The following BCL2 variants were observed in gnomAD, a reference collection of about 807,000 sequenced individuals.
BCL2 encodes BCL2 apoptosis regulator.
BCL2 carries 1 observed loss-of-function variant against 14.2 expected under a neutral mutation model. That is an observed-to-expected ratio of 0.07 (90% CI 0.02 to 0.33). The LOEUF (loss-of-function observed/expected upper bound fraction) is 0.33. Ranked by LOEUF, BCL2 falls within the 10% of genes least tolerant of loss-of-function variation. The pLI is 0.99. For missense variants in BCL2, 247 were observed against 305.9 expected (o/e 0.81, Z 1.44); for synonymous variants, 151 against 137.2 (o/e 1.10, Z -0.70).
chr18:63,296,547 T>G (rs1912800008), intron 2 of BCL2, among the ~76,000 whole-genome samples: 1 of 152,178 alleles, frequency 6.6e-6, no homozygotes, highest in African/African-American at 2.4e-5. Context: ...CAAGTGATCC[T>G]CCAGCCTCGG....
At chr18:63,172,625 T>C (rs898472170) in intron 2 of BCL2, among the ~76,000 whole-genome samples, 1 of 151,802 alleles carries the variant, frequency 6.6e-6, no homozygotes, top group African/African-American at 2.4e-5. Flanking sequence ...ACTAAAAATA[T>C]AAAAAATTAG....
intron 2 of BCL2, among the ~76,000 whole-genome samples, chr18:63,230,490 A>T (rs993344926): frequency 6.6e-6 from 1 of 152,122 alleles, no homozygotes; most frequent in African/African-American, 2.4e-5. Context: ...AAAGACAACA[A>T]ATCAATAGAA....
chr18:63,155,487 G>A (rs937627043), intron 2 of BCL2, among the ~76,000 whole-genome samples: 8 of 152,106 alleles, frequency 5.3e-5, no homozygotes, highest in Admixed American at 1.3e-4. Flanking sequence ...GGAGGGTCTC[G>A]GAGGGTCCAG....
rs770925898 is a variant in BCL2 at position 63,318,548 on chromosome 18, G to A, written c.119C>T (p.Pro40Leu). ...WDAGDVGAAP[P>L]GAAPAPGIFS... ...GATGCCCGGTGCGGGGGCGGCCCCCGGGGGCGCGGCGCCCACATCTCCCGC... is the reference window on the plus strand; with the variant it reads ...GATGCCCGGTGCGGGGGCGGCCCCCAGGGGCGCGGCGCCCACATCTCCCGC... The change falls in exon 2 of 3, where the codon CCG (proline) becomes CTG (leucine). Residue 40 changes from proline to leucine, a missense_variant. Around this residue, in one of 3 missense-constraint regions of BCL2, gnomAD observed 144 missense variants for 135.3 expected, o/e 1.06. Transcript: ENST00000333681. The surrounding 1 kb of genome is among the most constrained non-coding windows in gnomAD (Gnocchi z 7.4). 1.9e-6 allele frequency: 3 copies of A among 1,587,504 alleles called. No homozygotes were observed. The highest frequency in any genetic ancestry group is 1.7e-6 in the Non-Finnish European group (2 of 1,170,028).
chr18:63,318,637 AT>A lies in BCL2; in HGVS notation c.29del (p.Asp10ValfsTer5). Reference sequence around the variant, plus strand: ...TGTACTTCATCACTATCTCCCGGTTATCGTACCCTGTTCTCCCAGCGTGCGC... The same window carrying A: ...TGTACTTCATCACTATCTCCCGGTTACGTACCCTGTTCTCCCAGCGTGCGC... MAHAGRTGY[D>X]NREIVMKYIH... On this transcript the variant is annotated frameshift_variant, in exon 2 of 3. Coordinates refer to ENST00000333681, the MANE Select transcript of BCL2 (RefSeq NM_000633.3). LOFTEE classifies it high-confidence loss of function. The surrounding 1 kb of genome is among the most constrained non-coding windows in gnomAD (Gnocchi z 7.4). 1 of 1,613,358 alleles carries A rather than the reference AT, an allele frequency of 6.2e-7. No homozygotes were observed. The highest frequency in any genetic ancestry group is 8.5e-7 in the Non-Finnish European group (1 of 1,179,680).
Position 63,159,447 on chromosome 18 carries a change from G to A in BCL2, c.586-30688C>T, listed in dbSNP as rs555751943. 7.2e-5 allele frequency among the ~76,000 whole-genome samples: 11 copies of A among 152,234 alleles called. No individual in the cohort carries two copies. The East Asian group carries it at 1.3e-3, about 19-fold the overall frequency. Reference sequence around the variant, plus strand: ...TTTTCCCAAGTAAAAGTTCTGAAACGGATTTCTTTTAGAAGCAGAGATAAC... The same window carrying A: ...TTTTCCCAAGTAAAAGTTCTGAAACAGATTTCTTTTAGAAGCAGAGATAAC... On this transcript the variant is annotated intron_variant, in intron 2 of 2. Transcript: ENST00000333681.
At chr18:63,205,806 A>C (rs1909820393) in intron 2 of BCL2, among the ~76,000 whole-genome samples, 2 of 152,060 alleles carry the variant, frequency 1.3e-5, no homozygotes, top group Admixed American at 1.3e-4. Context: ...AAACTAAGCC[A>C]CCCGAATAAG....
intron 2 of BCL2, among the ~76,000 whole-genome samples, chr18:63,179,153 C>G (rs1271108313): frequency 6.6e-6 from 1 of 152,152 alleles, no homozygotes; most frequent in African/African-American, 2.4e-5. Flanking sequence ...TATTTTCCTG[C>G]CCTTCACACA....
At chr18:63,255,514 A>G (rs1047410698) in intron 2 of BCL2, among the ~76,000 whole-genome samples, 3 of 152,212 alleles carry the variant, frequency 2.0e-5, no homozygotes, top group African/African-American at 7.2e-5. Flanking sequence ...AAAGTGGCCT[A>G]GAGTGGAATC....
intron 2 of BCL2, among the ~76,000 whole-genome samples, chr18:63,243,182 T>TA (rs1404343172): frequency 6.6e-6 from 1 of 152,192 alleles, no homozygotes; most frequent in Non-Finnish European, 1.5e-5. Context: ...TATACAGCCA[T>TA]AAAAAAGAAT....
At chr18:63,261,474 A>T (rs1454312459) in intron 2 of BCL2, among the ~76,000 whole-genome samples, 1 of 152,140 alleles carries the variant, frequency 6.6e-6, no homozygotes, top group African/African-American at 2.4e-5. Context: ...GTGATAAAAC[A>T]CCAAAGCCAA....
intron 2 of BCL2, among the ~76,000 whole-genome samples, chr18:63,307,285 G>T (rs1291386209): frequency 6.6e-6 from 1 of 152,126 alleles, no homozygotes; most frequent in African/African-American, 2.4e-5. Context: ...TTTAGTCATG[G>T]GTGATGCCCT....
intron 2 of BCL2, among the ~76,000 whole-genome samples, chr18:63,150,248 T>C (rs1426477308): frequency 6.6e-6 from 1 of 150,774 alleles, no homozygotes; most frequent in African/African-American, 2.4e-5. Flanking sequence ...TCCCCTATTT[T>C]GCTTGGGTCA....
At chr18:63,184,880 A>G (rs1222389237) in intron 2 of BCL2, among the ~76,000 whole-genome samples, 1 of 152,116 alleles carries the variant, frequency 6.6e-6, no homozygotes, top group Non-Finnish European at 1.5e-5. Context: ...TAGACTGTAG[A>G]CTCAGAAACG....
chr18:63,130,460 T>C (rs1326783166), intron 2 of BCL2, among the ~76,000 whole-genome samples: 4 of 152,206 alleles, frequency 2.6e-5, no homozygotes, highest in African/African-American at 7.2e-5. Flanking sequence ...TATAGGTGCG[T>C]AGTAAATGTT....
intron 2 of BCL2, among the ~76,000 whole-genome samples, chr18:63,246,966 T>C (rs1911167820): frequency 1.3e-5 from 2 of 152,224 alleles, no homozygotes; most frequent in South Asian, 2.1e-4. Flanking sequence ...GTAATGATCA[T>C]TTTTATGTTT....
chr18:63,298,085 G>C (rs1599297943), intron 2 of BCL2, among the ~76,000 whole-genome samples: 1 of 152,204 alleles, frequency 6.6e-6, no homozygotes, highest in African/African-American at 2.4e-5. Flanking sequence ...GGTCGAGCAA[G>C]ACAGACCCCC....
chr18:63,228,604 T>C (rs1265528191), intron 2 of BCL2, among the ~76,000 whole-genome samples: 1 of 152,248 alleles, frequency 6.6e-6, no homozygotes, highest in Non-Finnish European at 1.5e-5. Flanking sequence ...CTCCAGTGTT[T>C]AGGACATTCC....
chr18:63,144,580 G>A (rs552449547), intron 2 of BCL2, among the ~76,000 whole-genome samples: 3 of 152,200 alleles, frequency 2.0e-5, no homozygotes, highest in Admixed American at 6.5e-5. Context: ...AGGAAGTCCC[G>A]AGGAGTGACA....
Sources: allele counts gnomAD v4.1 joint callset (sites outside exome capture counted in the v4.1 genomes callset), GRCh38; gene constraint gnomAD v4.1.1; regional missense constraint gnomAD v4.1.1; non-coding constraint Gnocchi (gnomAD v3.1); transcripts MANE v1.5; gene names NCBI Gene and HGNC (gene_info 2026-07-23, HGNC 2026-07-21).